DNAAF5: variants seen among roughly 807,000 people sequenced by gnomAD.
DNAAF5 encodes the protein dynein axonemal assembly factor 5, also known as HEAT repeat containing 2.
Under a neutral mutation model 75.8 loss-of-function variants are expected in DNAAF5, and 64 were observed. The observed-to-expected ratio is 0.84, with a 90% CI of 0.69 to 1.04. The LOEUF (loss-of-function observed/expected upper bound fraction) is 1.04, where lower values mean the gene tolerates loss of function less well. Ranked by LOEUF, DNAAF5 falls within the 50% of genes least tolerant of loss-of-function variation. The pLI is 0.00. For synonymous variants in DNAAF5, 657 were observed against 557.2 expected (o/e 1.18, Z -2.52); for missense variants, 1,269 against 1,178.5 (o/e 1.08, Z -1.12).
rs185136021 is a variant in DNAAF5, at chr7:745,567, A to C, written c.1024+4102A>C. Reference sequence around the variant, plus strand: ...CACACGCGTACACACATCCTCGCACATGTGCACACCCATATACACATCTGC... The same window carrying C: ...CACACGCGTACACACATCCTCGCACCTGTGCACACCCATATACACATCTGC... On this transcript the variant is annotated intron_variant, in intron 4 of 12. Transcript: ENST00000297440. Among the ~76,000 whole-genome samples the C allele has an allele frequency of 5.1e-3, 782 of 152,278 alleles. 5 individuals are homozygous for C. The highest frequency in any genetic ancestry group is 7.2e-3 in the Non-Finnish European group (490 of 68,014).
chr7:784,232 C>T (rs1028578095), intron 12 of DNAAF5, among the ~76,000 whole-genome samples: 7 of 152,190 alleles, frequency 4.6e-5, no homozygotes, highest in African/African-American at 1.7e-4. Context: ...GTCTTTCCCT[C>T]GCCCATGTGG....
chr7:738,677 G>A lies in DNAAF5; in HGVS notation c.781-2142G>A, dbSNP rs533648991. Among the ~76,000 whole-genome samples, 79 of 152,248 alleles carry A rather than the reference G, an allele frequency of 5.2e-4. 1 individual carries two copies. The Middle Eastern group carries it at 0.014, about 26-fold the overall frequency. On this transcript the variant is annotated intron_variant, in intron 2 of 12. Coordinates refer to ENST00000297440, the MANE Select transcript of DNAAF5 (RefSeq NM_017802.4). ...TGAACTAAAAGAAAAGGGATAATTC[G>A]TCTCATGCTAATTGGAATTTGCAGG...
chr7:735,986 A>T (rs1781730498), intron 2 of DNAAF5, among the ~76,000 whole-genome samples: 1 of 152,180 alleles, frequency 6.6e-6, no homozygotes, highest in Non-Finnish European at 1.5e-5. Context: ...AAGAATTTTT[A>T]AAATTTCCTT....
chr7:778,875 G>A (rs144705030), intron 11 of DNAAF5, among the ~76,000 whole-genome samples: 317 of 152,356 alleles, frequency 2.1e-3, no homozygotes, highest in South Asian at 0.017. Context: ...TGTGCAGTGA[G>A]CATACCCGCT....
At chr7:755,656 G>A (rs962272685) in intron 5 of DNAAF5, among the ~76,000 whole-genome samples, 2 of 152,130 alleles carry the variant, frequency 1.3e-5, no homozygotes, top group Non-Finnish European at 2.9e-5. Flanking sequence ...GCTTGAGCCC[G>A]GGAGTTTGAG....
chr7:727,294 G>C lies in DNAAF5; in HGVS notation c.574G>C (p.Ala192Pro). The C allele has an allele frequency of 1.5e-6, 2 of 1,297,534 alleles. No homozygotes were observed. The highest frequency in any genetic ancestry group is 1.9e-6 in the Non-Finnish European group (2 of 1,026,294). The allele number at this position is 1,297,534 out of a possible 1,614,324, so 80.4% of individuals were successfully genotyped here. A position where few individuals can be genotyped will look rare whatever the true frequency, so the allele number is the denominator to read the frequency against. ...CCGCGAGAGCTGCAGCTGCGCCGCC[G>C]CCCTGGCGCAGGCCACGCCCGGTGA... ...VRRESCSCAAALAQATPDHFH... is the reference protein window; with the variant it reads ...VRRESCSCAAPLAQATPDHFH... Residue 192 changes from alanine (A) to proline (P), a missense_variant, in exon 1 of 13, where the codon GCC becomes CCC. Transcript: ENST00000297440.
At chr7:738,929 C>A (rs1259956792) in intron 2 of DNAAF5, among the ~76,000 whole-genome samples, 1 of 152,226 alleles carries the variant, frequency 6.6e-6, no homozygotes, top group Non-Finnish European at 1.5e-5. Flanking sequence ...GAGAAAGCAG[C>A]GAGGCCAAAC....
At position 767,568 on chromosome 7, in the gene DNAAF5, A is replaced by T. The variant is rs567662809; in HGVS notation, c.1784-2903A>T. Among the ~76,000 whole-genome samples, 7 of 152,322 alleles carry T rather than the reference A, an allele frequency of 4.6e-5. 1 individual carries two copies. Among genetic ancestry groups the T allele is most frequent in the African/African-American group, 1.7e-4 (7 of 41,584 alleles). On this transcript the variant is annotated intron_variant, in intron 8 of 12. Transcript: ENST00000297440. ...TTTCCATAGAAGAAATGCTCTGGCAACCATTAAAAACAATTATCCTAAGCC... is the reference window on the plus strand; with the variant it reads ...TTTCCATAGAAGAAATGCTCTGGCATCCATTAAAAACAATTATCCTAAGCC...
intron 9 of DNAAF5, chr7:771,279 T>C (rs1176078935): frequency 6.6e-6 from 1 of 152,264 alleles, no homozygotes; most frequent in African/African-American, 2.4e-5. Flanking sequence ...ATGGGTGCCC[T>C]CTAGGAGCAC....
chr7:780,878 C>CT (rs1168547134), intron 12 of DNAAF5, among the ~76,000 whole-genome samples: 11 of 90,404 alleles, frequency 1.2e-4, no homozygotes, highest in Non-Finnish European at 2.3e-4. Flanking sequence ...TGACGTTGTT[C>CT]TTTTTTTTAA....
chr7:784,018 GCCCCCA>G, intron 12 of DNAAF5, among the ~76,000 whole-genome samples: 1 of 145,626 alleles, frequency 6.9e-6, no homozygotes, highest in East Asian at 2.1e-4. Flanking sequence ...CCTGTACGCC[GCCCCCA>G]CCTCCCCCAC....
intron 9 of DNAAF5, chr7:772,738 C>T (rs1419669717): frequency 6.6e-6 from 1 of 152,512 alleles, no homozygotes; most frequent in Non-Finnish European, 1.5e-5. Flanking sequence ...ATCCCAGCTA[C>T]TCAGGAGGCT....
At chr7:763,712 T>C (rs1367694775) in intron 7 of DNAAF5, 94 bp from the exon 8 acceptor site, 10 of 1,399,920 alleles carry the variant, frequency 7.1e-6, no homozygotes, top group Non-Finnish European at 9.9e-6. Context: ...CCTGTGTGGT[T>C]CTTACGCGTG....
At position 754,452 on chromosome 7, in the gene DNAAF5, T is replaced by G. The variant is rs555577596; in HGVS notation, c.1025-137T>G. ...CTGAACGACGGGGCATTTGTCAGCTTTGCGTCCACCCCAAGACTTGTTTTG... is the reference window on the plus strand; with the variant it reads ...CTGAACGACGGGGCATTTGTCAGCTGTGCGTCCACCCCAAGACTTGTTTTG... On this transcript the variant is annotated intron_variant, in intron 4 of 12. Coordinates refer to ENST00000297440, the MANE Select transcript of DNAAF5 (RefSeq NM_017802.4). The surrounding 1 kb of genome is among the most constrained non-coding windows in gnomAD (Gnocchi z 4.8). 9.2e-6 allele frequency: 7 copies of G among 763,614 alleles called. No individual in the cohort carries two copies. The Admixed American group carries it at 1.0e-4, about 11-fold the overall frequency. The allele number at this position is 763,614 out of a possible 1,614,324, so 47.3% of individuals were successfully genotyped here. A position where few individuals can be genotyped will look rare whatever the true frequency, so the allele number is the denominator to read the frequency against.
At chr7:770,344 A>G in intron 8 of DNAAF5, 127 bp from the exon 9 acceptor site, 1 of 729,336 alleles carries the variant, frequency 1.4e-6, no homozygotes. Flanking sequence ...GAGAAAGAGG[A>G]AGCGGGGAGG....
Position 727,223 on chromosome 7 carries a change from T to G in DNAAF5, c.503T>G (p.Leu168Arg). The change falls in exon 1 of 13, where the codon CTG (leucine) becomes CGG (arginine). Residue 168 changes from leucine to arginine, a missense_variant. Transcript: ENST00000297440. ...AALAPHLDDALRALRCSLLDP... is the reference protein window; with the variant it reads ...AALAPHLDDARRALRCSLLDP... The stretch of plus-strand genomic sequence containing the variant: ...CTCGCGCCCCACCTGGACGACGCTC[T>G]GCGCGCGCTGCGCTGCTCCCTGCTC... 7.4e-7 allele frequency: 1 copy of G among 1,347,248 alleles called. No homozygotes were observed. The highest frequency in any genetic ancestry group is 9.5e-7 in the Non-Finnish European group (1 of 1,049,464). 83.5% of individuals were successfully genotyped at this position (1,347,248 alleles called of 1,614,324 possible).
rs971445343 is a variant in DNAAF5, at chr7:730,852, T to C, written c.780+1005T>C. On this transcript the variant is annotated intron_variant, in intron 2 of 12. Transcript: ENST00000297440. ...CAGGCCAGCGGAAGTTGAGTCACCA[T>C]GTACGCTGGCCGGCCCCTCCTGGAG... 2.6e-5 allele frequency among the ~76,000 whole-genome samples: 4 copies of C among 152,188 alleles called. No homozygotes were observed. The East Asian group carries it at 5.8e-4, about 22-fold the overall frequency.
intron 4 of DNAAF5, among the ~76,000 whole-genome samples, chr7:751,342 C>T (rs1272810477): frequency 1.3e-5 from 2 of 152,096 alleles, no homozygotes; most frequent in African/African-American, 2.4e-5. Flanking sequence ...CTTATTAAAA[C>T]ATACCCTTTA....
chr7:738,496 A>G (rs1036493188), intron 2 of DNAAF5, among the ~76,000 whole-genome samples: 6 of 151,906 alleles, frequency 3.9e-5, no homozygotes, highest in Admixed American at 6.6e-5. Context: ...CGATCTTGCT[A>G]GGTATTTACT....
Sources: allele counts gnomAD v4.1 joint callset (sites outside exome capture counted in the v4.1 genomes callset), GRCh38; gene constraint gnomAD v4.1.1; non-coding constraint Gnocchi (gnomAD v3.1); transcripts MANE v1.5; gene names NCBI Gene and HGNC (gene_info 2026-07-23, HGNC 2026-07-21).